The following SLC25A36 variants were observed in gnomAD, a reference collection of about 807,000 sequenced individuals.
SLC25A36 encodes the protein solute carrier family 25 member 36.
A neutral mutation model predicts 35.3 loss-of-function variants in SLC25A36; 24 were observed. The observed-to-expected ratio is 0.68, with a 90% confidence interval of 0.49 to 0.96. SLC25A36 has a LOEUF of 0.96. Ranked by LOEUF, SLC25A36 falls within the 40% of genes least tolerant of loss-of-function variation. The probability of loss-of-function intolerance (pLI) is 0.00; values close to 1 mark genes in which losing one functional copy is unlikely to be tolerated. For missense variants in SLC25A36, 294 were observed against 381.1 expected, an observed-to-expected ratio of 0.77 and a Z score of 1.90; for synonymous variants, 141 against 132.2, an observed-to-expected ratio of 1.07 and a Z score of -0.46.
chr3:140,958,372 T>C (rs943332508), intron 2 of SLC25A36, among the ~76,000 whole-genome samples: 1 of 152,244 alleles, frequency 6.6e-6, no homozygotes, highest in African/African-American at 2.4e-5. Context: ...GCTGGGCATA[T>C]ATGTATCTAG....
intron 3 of SLC25A36, among the ~76,000 whole-genome samples, chr3:140,960,326 G>T (rs908943035): frequency 1.3e-5 from 2 of 152,164 alleles, no homozygotes; most frequent in African/African-American, 2.4e-5. Context: ...TCTAAGAAAG[G>T]TAAGCATTCT....
At chr3:140,953,421 C>G (rs1424785349) in intron 1 of SLC25A36, among the ~76,000 whole-genome samples, 3 of 150,502 alleles carry the variant, frequency 2.0e-5, no homozygotes, top group African/African-American at 7.4e-5. Flanking sequence ...ATTTTTTCAA[C>G]TGCCTATTTA....
chr3:140,942,165 G>T, intron 1 of SLC25A36, 70 bp downstream of exon 1: 2 of 171,290 alleles, frequency 1.2e-5, no homozygotes. Context: ...CGAGGGGGGC[G>T]AGGGGGGCCG....
At chr3:140,968,276 C>A (rs919191777) in intron 4 of SLC25A36, 2 of 845,612 alleles carry the variant, frequency 2.4e-6, no homozygotes, top group Non-Finnish European at 2.8e-6. Context: ...CGGTAAAGGG[C>A]TAATAGCTAA....
intron 2 of SLC25A36, among the ~76,000 whole-genome samples, chr3:140,957,611 C>T (rs963683319): frequency 2.1e-4 from 32 of 152,006 alleles, no homozygotes; most frequent in African/African-American, 6.5e-4. Flanking sequence ...TGTGGTGGTG[C>T]GCACCTGTAA....
At chr3:140,975,381 G>C (rs531969893) in intron 6 of SLC25A36, among the ~76,000 whole-genome samples, 4 of 152,042 alleles carry the variant, frequency 2.6e-5, no homozygotes, top group African/African-American at 9.6e-5. Context: ...TGCTAGTCAG[G>C]CTCAGGCATG....
intron 4 of SLC25A36, 40 bp from the exon 5 acceptor site, chr3:140,970,887 T>A: frequency 1.1e-6 from 1 of 916,964 alleles, no homozygotes; most frequent in Non-Finnish European, 1.8e-6. Context: ...TAGTGAATTC[T>A]TCATTTTTAC....
intron 2 of SLC25A36, among the ~76,000 whole-genome samples, chr3:140,958,463 A>G (rs906453480): frequency 2.0e-5 from 3 of 152,334 alleles, no homozygotes; most frequent in African/African-American, 7.2e-5. Context: ...CAAAACAGCA[A>G]ATTTCCCAAT....
chr3:140,951,954 C>T (rs541768794), intron 1 of SLC25A36, among the ~76,000 whole-genome samples: 20 of 152,006 alleles, frequency 1.3e-4, no homozygotes, highest in African/African-American at 4.8e-4. Flanking sequence ...TTACCTTGAC[C>T]TCCCAAGTAG....
At chr3:140,964,922 T>C (rs1424046883) in intron 4 of SLC25A36, 1 of 152,002 alleles carries the variant, frequency 6.6e-6, no homozygotes, top group Non-Finnish European at 1.5e-5. Flanking sequence ...AGTTTGCACT[T>C]TTTTCTCAAA....
intron 5 of SLC25A36, among the ~76,000 whole-genome samples, chr3:140,971,216 TAA>T (rs754227611): frequency 2.9e-4 from 44 of 152,170 alleles, no homozygotes; most frequent in Middle Eastern, 6.8e-3. Context: ...TGTTTTGTTT[TAA>T]AAAGAGTGGC....
At chr3:140,966,091 T>A (rs758601471) in intron 4 of SLC25A36, 1 of 152,164 alleles carries the variant, frequency 6.6e-6, no homozygotes, top group Non-Finnish European at 1.5e-5. Flanking sequence ...ATGTAATCAT[T>A]GAATGTTTCC....
intron 5 of SLC25A36, among the ~76,000 whole-genome samples, chr3:140,972,325 G>C (rs1398651071): frequency 6.6e-6 from 1 of 152,136 alleles, no homozygotes; most frequent in Non-Finnish European, 1.5e-5. Context: ...GAATTGGATA[G>C]GGGTGGGGTA....
At position 140,979,285 on chromosome 3, in the gene SLC25A36, T is replaced by G. The variant is rs997770158; in HGVS notation, c.*2832T>G. The G allele has an allele frequency of 6.6e-6, 1 of 152,156 alleles. No homozygotes were observed. The highest frequency in any genetic ancestry group is 1.5e-5 in the Non-Finnish European group (1 of 67,996). 9.4% of individuals were successfully genotyped at this position (152,156 alleles called of 1,614,324 possible). A position where few individuals can be genotyped will look rare whatever the true frequency, so the allele number is the denominator to read the frequency against. On this transcript the variant is annotated 3_prime_UTR_variant, in exon 7 of 7. Coordinates refer to ENST00000324194, the MANE Select transcript of SLC25A36 (RefSeq NM_001104647.3). ...AAATAATGTTTGCTCTATTACTGGG[T>G]TACAGACATTTCAGCATTTTTAGGT...
intron 1 of SLC25A36, among the ~76,000 whole-genome samples, chr3:140,951,653 T>TTGTG (rs530126974): frequency 2.6e-5 from 4 of 151,408 alleles, no homozygotes; most frequent in Non-Finnish European, 4.4e-5. Context: ...CTGGCTAATT[T>TTGTG]TGTGTGTGTG....
intron 1 of SLC25A36, among the ~76,000 whole-genome samples, chr3:140,944,240 G>A (rs76221809): frequency 0.075 from 11,379 of 152,206 alleles, 537 homozygotes; most frequent in East Asian, 0.17. Flanking sequence ...CTGATAAGTA[G>A]AATTGTAATA....
chr3:140,971,637 A>G (rs1173103131), intron 5 of SLC25A36, among the ~76,000 whole-genome samples: 1 of 152,176 alleles, frequency 6.6e-6, no homozygotes, highest in African/African-American at 2.4e-5. Flanking sequence ...CAGAGGTTCT[A>G]AAGTGTAGGG....
At chr3:140,961,357 A>AT (rs1934621118) in intron 3 of SLC25A36, among the ~76,000 whole-genome samples, 3 of 152,122 alleles carry the variant, frequency 2.0e-5, no homozygotes, top group South Asian at 2.1e-4. Context: ...ATGTGGGGTG[A>AT]TTTTTTTAAA....
chr3:140,964,754 A>G (rs560910058), intron 4 of SLC25A36: 10 of 152,056 alleles, frequency 6.6e-5, no homozygotes, highest in African/African-American at 2.4e-4. Flanking sequence ...AAGTTAGATG[A>G]GCAGTCATTT....
Sources: allele counts gnomAD v4.1 joint callset (sites outside exome capture counted in the v4.1 genomes callset), GRCh38; gene constraint gnomAD v4.1.1; transcripts MANE v1.5; gene names NCBI Gene and HGNC (gene_info 2026-07-23, HGNC 2026-07-21).